Variants in ARFGEF2 observed in about 807,000 individuals in gnomAD.
The protein encoded by ARFGEF2 is ARF guanine nucleotide exchange factor 2, also known as brefeldin A-inhibited guanine nucleotide-exchange protein 2.
ARFGEF2 carries 74 observed loss-of-function variants against 219.9 expected under a neutral mutation model. The ratio of observed to expected loss-of-function variants is 0.34; its 90% CI spans 0.28 to 0.41. The LOEUF (loss-of-function observed/expected upper bound fraction) is 0.41, where lower values mean the gene tolerates loss of function less well. ARFGEF2 is among the 10% of genes least tolerant of loss of function. The probability of loss-of-function intolerance (pLI) is 1.00; values close to 1 mark genes in which losing one functional copy is unlikely to be tolerated. For missense variants in ARFGEF2, 1,743 were observed against 2,218.3 expected, an observed-to-expected ratio of 0.79 and a Z score of 4.30; for synonymous variants, 733 against 799.2, an observed-to-expected ratio of 0.92 and a Z score of 1.40.
intron 36 of ARFGEF2, 47 bp downstream of exon 36, chr20:49,025,528 C>A (rs1156779535): frequency 1.2e-6 from 2 of 1,608,372 alleles, no homozygotes; most frequent in Admixed American, 1.7e-5. Flanking sequence ...TGGTCACCTT[C>A]CTAAAACATT....
chr20:48,977,006 C>T (rs1344579384), intron 14 of ARFGEF2, among the ~76,000 whole-genome samples: 1 of 149,508 alleles, frequency 6.7e-6, no homozygotes, highest in African/African-American at 2.5e-5. Flanking sequence ...ACTTTAAGTT[C>T]TAGGGTACGT....
chr20:48,972,241 T>G (rs2091232860), intron 10 of ARFGEF2, 85 bp from the exon 11 acceptor site: 7 of 948,004 alleles, frequency 7.4e-6, no homozygotes, highest in Non-Finnish European at 1.2e-5. Context: ...ACTGCACGAC[T>G]GGGTTGGCTG....
Position 49,017,400 on chromosome 20 carries a change from G to A in ARFGEF2, c.4454+13G>A. ...CCATCCCACATGTGTAAGTGTTCAT[G>A]CAGTTGTTCCCGTTTATCTCTGTGT... On this transcript the variant is annotated intron_variant, in intron 32 of 38. Coordinates refer to ENST00000371917, the MANE Select transcript of ARFGEF2 (RefSeq NM_006420.3). 6.2e-7 allele frequency: 1 copy of A among 1,613,964 alleles called. No homozygotes were observed. Among genetic ancestry groups the A allele is most frequent in the Non-Finnish European group, 8.5e-7 (1 of 1,179,994 alleles).
intron 1 of ARFGEF2, among the ~76,000 whole-genome samples, chr20:48,937,855 A>G (rs4810898): frequency 0.62 from 94,045 of 152,028 alleles, 29,244 homozygotes; most frequent in African/African-American, 0.68. Flanking sequence ...GGCCAGAAAC[A>G]GACTTTGGAG....
In ARFGEF2 at chr20:48,998,390, A is replaced by G. The variant is rs763345479; in HGVS notation, c.3317A>G (p.His1106Arg). 3.7e-6 allele frequency: 6 copies of G among 1,614,082 alleles called. No homozygotes were observed. The highest frequency in any genetic ancestry group is 5.1e-6 in the Non-Finnish European group (6 of 1,180,030). ...AVSMDELASPHHPRMFSLQKI... is the reference protein window; with the variant it reads ...AVSMDELASPRHPRMFSLQKI... The stretch of plus-strand genomic sequence containing the variant: ...TCCATGGATGAACTGGCTTCCCCCC[A>G]CCATCCTCGCATGTTCAGCTTGCAG... Residue 1106 changes from histidine (H) to arginine (R), a missense_variant, in exon 25 of 39, where the codon CAC (histidine) becomes CGC (arginine). By Grantham distance (29) the His-to-Arg change is conservative (BLOSUM62 0). Transcript: ENST00000371917.
chr20:49,013,595 A>G lies in ARFGEF2; in HGVS notation c.3950A>G (p.Asn1317Ser). 6.2e-7 allele frequency: 1 copy of G among 1,614,174 alleles called. No homozygotes were observed. The highest frequency in any genetic ancestry group is 1.1e-5 in the South Asian group (1 of 91,088). ...VLQEYTSDDM[N>S]VAPGDRVWVR... ...CAAGAATACACAAGTGATGACATGA[A>G]TGTAGCTCCTGGTGACAGAGTCTGG... The change falls in exon 29 of 39, where the codon AAT becomes AGT. Residue 1317 changes from asparagine to serine, a missense_variant. Transcript: ENST00000371917.
intron 14 of ARFGEF2, 92 bp downstream of exon 14, chr20:48,976,291 T>TAAACAGGCA: frequency 6.7e-7 from 1 of 1,500,336 alleles, no homozygotes; most frequent in Non-Finnish European, 9.1e-7. Context: ...GAAATGCCTG[T>TAAACAGGCA]TTACAAAAGG....
chr20:48,943,673 C>T (rs1482285145), intron 3 of ARFGEF2, among the ~76,000 whole-genome samples: 1 of 152,178 alleles, frequency 6.6e-6, no homozygotes, highest in Admixed American at 6.5e-5. Context: ...TGGGCTCAAA[C>T]AGTCCTCCTG....
intron 3 of ARFGEF2, among the ~76,000 whole-genome samples, chr20:48,945,804 C>T (rs2091022296): frequency 6.6e-6 from 1 of 152,104 alleles, no homozygotes; most frequent in Non-Finnish European, 1.5e-5. Flanking sequence ...GTTGAGGCTG[C>T]AGTGAGCCGT....
chr20:49,008,097 C>T (rs1367847705), intron 26 of ARFGEF2, among the ~76,000 whole-genome samples: 1 of 152,154 alleles, frequency 6.6e-6, no homozygotes, highest in Non-Finnish European at 1.5e-5. Flanking sequence ...CCCTTTGACT[C>T]AGTAATTCCA....
At chr20:48,975,375 GTTTA>G (rs1266177780) in intron 13 of ARFGEF2, among the ~76,000 whole-genome samples, 1 of 152,082 alleles carries the variant, frequency 6.6e-6, no homozygotes, top group African/African-American at 2.4e-5. Context: ...ATTCTGTTCT[GTTTA>G]TTTGTCTGTT....
Position 49,006,897 on chromosome 20 carries a change from C to T in ARFGEF2, c.3584+1676C>T, listed in dbSNP as rs1416397150. 2.7e-5 allele frequency among the ~76,000 whole-genome samples: 4 copies of T among 148,528 alleles called. No individual in the cohort carries two copies. In the South Asian group the frequency reaches 6.4e-4, roughly 24 times the overall value. On this transcript the variant is annotated intron_variant, in intron 26 of 38. Coordinates refer to ENST00000371917, the MANE Select transcript of ARFGEF2 (RefSeq NM_006420.3). ...TGGAGGTTTTTGTTTTTTTTTTTGA[C>T]GGAGTCTCTCCTGACCTCATGATCC...
chr20:49,015,947 T>C (rs1207644802), intron 30 of ARFGEF2, among the ~76,000 whole-genome samples: 1 of 152,272 alleles, frequency 6.6e-6, no homozygotes, highest in Admixed American at 6.5e-5. Flanking sequence ...ATATAAATAA[T>C]GTAGCATATG....
chr20:49,010,393 G>A lies in ARFGEF2; in HGVS notation c.3746G>A (p.Cys1249Tyr). The change falls in exon 27 of 39, where the codon TGC (cysteine) becomes TAC (tyrosine). Residue 1249 changes from cysteine to tyrosine, a missense_variant. Physicochemically the swap from Cys to Tyr is radical, Grantham distance 194. Transcript: ENST00000371917. ...NIVELAFQTT[C>Y]HIVTTIFQHH... The stretch of plus-strand genomic sequence containing the variant: ...GTGGAGCTGGCCTTCCAGACCACTT[G>A]CCACATTGTCAGTAAGTGGCTCTGT... 3 of 1,613,892 alleles carry A rather than the reference G, an allele frequency of 1.9e-6. No individual in the cohort carries two copies. In the South Asian group the frequency reaches 3.3e-5, roughly 18 times the overall value.
At chr20:49,019,823 A>T (rs2091554768) in intron 34 of ARFGEF2, among the ~76,000 whole-genome samples, 1 of 152,026 alleles carries the variant, frequency 6.6e-6, no homozygotes, top group African/African-American at 2.4e-5. Flanking sequence ...TTTTCTGTTG[A>T]TTGTTGGCCC....
chr20:48,989,223 G>A (rs2123461171), intron 18 of ARFGEF2, 62 bp from the exon 19 acceptor site: 3 of 1,574,628 alleles, frequency 1.9e-6, no homozygotes, highest in South Asian at 1.1e-5. Context: ...TTGAAACAGT[G>A]TATGGCATGT....
intron 26 of ARFGEF2, among the ~76,000 whole-genome samples, chr20:49,005,729 C>G (rs1263063987): frequency 1.7e-4 from 22 of 128,024 alleles, no homozygotes; most frequent in Non-Finnish European, 3.2e-5. Flanking sequence ...AAGAGCAAGA[C>G]TCCGTCTCAA....
intron 36 of ARFGEF2, among the ~76,000 whole-genome samples, chr20:49,028,183 G>C (rs1436591090): frequency 1.3e-5 from 2 of 152,230 alleles, no homozygotes; most frequent in South Asian, 4.1e-4. Context: ...GCTTGAACCT[G>C]GGAGGCGGAG....
chr20:49,032,200 A>G, intron 38 of ARFGEF2, 34 bp downstream of exon 38: 1 of 1,501,668 alleles, frequency 6.7e-7, no homozygotes, highest in South Asian at 1.1e-5. Flanking sequence ...AATTTTCACT[A>G]GGACATAAAG....
Sources: allele counts gnomAD v4.1 joint callset (sites outside exome capture counted in the v4.1 genomes callset), GRCh38; gene constraint gnomAD v4.1.1; transcripts MANE v1.5; gene names NCBI Gene and HGNC (gene_info 2026-07-23, HGNC 2026-07-21).